Variants in PCDHGB1 observed in about 807,000 individuals in gnomAD.
The protein encoded by PCDHGB1 is protocadherin gamma subfamily B, 1.
PCDHGB1 carries 34 observed loss-of-function variants against 56.6 expected under a neutral mutation model. The observed-to-expected ratio is 0.60, with a 90% CI of 0.46 to 0.80. PCDHGB1 has a LOEUF of 0.80. Among genes scored for constraint, PCDHGB1 ranks in the 30% least tolerant of loss-of-function variants. PCDHGB1 has a pLI of 0.00. For synonymous variants in PCDHGB1, 561 were observed against 505.9 expected (o/e 1.11, Z -1.46); for missense variants, 1,278 against 1,204.6 (o/e 1.06, Z -0.90).
At chr5:141,427,450 CT>C in intron 1 of PCDHGB1, 1 of 486,442 alleles carries the variant, frequency 2.1e-6, no homozygotes, top group South Asian at 1.5e-5. Flanking sequence ...GAAAGAGTTC[CT>C]TTTAGAATCG....
intron 1 of PCDHGB1, chr5:141,412,460 G>C (rs2095557510): frequency 1.3e-5 from 2 of 152,244 alleles, no homozygotes; most frequent in South Asian, 4.1e-4. Flanking sequence ...AACTATTCTA[G>C]AAGAGTACTT....
chr5:141,418,282 A>C, intron 1 of PCDHGB1: 1 of 1,614,030 alleles, frequency 6.2e-7, no homozygotes, highest in Non-Finnish European at 8.5e-7. Flanking sequence ...TAAACTTAGA[A>C]ATCAGTGAAT....
chr5:141,362,901 G>C (rs1323871801), intron 1 of PCDHGB1, among the ~76,000 whole-genome samples: 2 of 152,148 alleles, frequency 1.3e-5, no homozygotes, highest in Non-Finnish European at 2.9e-5. Flanking sequence ...CTTCCTCTTA[G>C]AATCATAATA....
At position 141,485,342 on chromosome 5, in the gene PCDHGB1, G is replaced by A; in HGVS notation, c.2410-9465G>A. On this transcript the variant is annotated intron_variant, in intron 1 of 3. Coordinates refer to ENST00000523390, the MANE Select transcript of PCDHGB1 (RefSeq NM_018922.3). The surrounding 1 kb of genome is among the most constrained non-coding windows in gnomAD (Gnocchi z 5.7). ...CGCTCAAGATTTCCTGCTGGATACG[G>A]ACAGTCTGTCAGCTCGCAGGCTGCA... 1 of 1,614,164 alleles carries A rather than the reference G, an allele frequency of 6.2e-7. No homozygotes were observed. The highest frequency in any genetic ancestry group is 8.5e-7 in the Non-Finnish European group (1 of 1,180,026).
intron 1 of PCDHGB1, chr5:141,410,657 G>A: frequency 1.9e-6 from 3 of 1,579,248 alleles, no homozygotes; most frequent in Non-Finnish European, 2.6e-6. Flanking sequence ...TTATCTAATA[G>A]TCTACTAGTT....
chr5:141,491,980 C>T lies in PCDHGB1; in HGVS notation c.2410-2827C>T. ...AAAAAAGGCCGGGGCCTCCTTCGAG[C>T]TTCCGGTGAATTTCGGGCGATTTCC... On this transcript the variant is annotated intron_variant, in intron 1 of 3. Transcript: ENST00000523390. The surrounding 1 kb of genome is among the most constrained non-coding windows in gnomAD (Gnocchi z 6.9). The T allele has an allele frequency of 2.5e-6, 2 of 784,432 alleles. No individual in the cohort carries two copies. The highest frequency in any genetic ancestry group is 3.8e-6 in the Non-Finnish European group (2 of 530,588). 48.6% of individuals were successfully genotyped at this position (784,432 alleles called of 1,614,324 possible). A position where few individuals can be genotyped will look rare whatever the true frequency, so the allele number is the denominator to read the frequency against.
chr5:141,466,285 C>A (rs1271958613), intron 1 of PCDHGB1, among the ~76,000 whole-genome samples: 1 of 152,148 alleles, frequency 6.6e-6, no homozygotes, highest in African/African-American at 2.4e-5. Context: ...ATCTTCCCAC[C>A]TCAGGCTCCC....
chr5:141,489,086 G>A lies in PCDHGB1; in HGVS notation c.2410-5721G>A, dbSNP rs2233599. ...CCCCCCTGCCCACCCCCGCCACTCG[G>A]TGACTAAGAACTGCTGCAAGCAGGC... On this transcript the variant is annotated intron_variant, in intron 1 of 3. Coordinates refer to ENST00000523390, the MANE Select transcript of PCDHGB1 (RefSeq NM_018922.3). The surrounding 1 kb of genome is among the most constrained non-coding windows in gnomAD (Gnocchi z 4.5). 2.2e-3 allele frequency: 754 copies of A among 340,206 alleles called. 5 individuals carry two copies. Among genetic ancestry groups the A allele is most frequent in the African/African-American group, 0.018 (712 of 39,726 alleles). 21.1% of individuals were successfully genotyped at this position (340,206 alleles called of 1,614,324 possible).
rs1412265811 is a variant in PCDHGB1, at chr5:141,461,565, A to G, written c.2410-33242A>G. Among the ~76,000 whole-genome samples the G allele has an allele frequency of 2.6e-5, 4 of 152,178 alleles. No individual in the cohort carries two copies. The East Asian group carries it at 7.7e-4, about 29-fold the overall frequency. On this transcript the variant is annotated intron_variant, in intron 1 of 3. Coordinates refer to ENST00000523390, the MANE Select transcript of PCDHGB1 (RefSeq NM_018922.3). ...CCTTTGTCAGATGTGTACTTTGCAA[A>G]GATAATATTTTGGATGTTATATTTC...
At chr5:141,403,240 T>A (rs948095468) in intron 1 of PCDHGB1, 2 of 1,613,926 alleles carry the variant, frequency 1.2e-6, no homozygotes, top group Admixed American at 3.3e-5. Flanking sequence ...AGGAGCTCTG[T>A]GCTCAGAGCC....
Position 141,477,311 on chromosome 5 carries a change from C to G in PCDHGB1, c.2410-17496C>G. 6.2e-7 allele frequency: 1 copy of G among 1,614,186 alleles called. No individual in the cohort carries two copies. The highest frequency in any genetic ancestry group is 8.5e-7 in the Non-Finnish European group (1 of 1,180,032). ...AGTTCCACCGGGTCTCCCTTTCAGC[C>G]TTACTTCTTCCCTCAAGAATTACTT... On this transcript the variant is annotated intron_variant, in intron 1 of 3. Coordinates refer to ENST00000523390, the MANE Select transcript of PCDHGB1 (RefSeq NM_018922.3). The surrounding 1 kb of genome is among the most constrained non-coding windows in gnomAD (Gnocchi z 4.9).
Position 141,350,459 on chromosome 5 carries a change from A to G in PCDHGB1, c.199A>G (p.Ser67Gly). The change falls in exon 1 of 4, where the codon AGT becomes GGT. Residue 67 changes from serine (S) to glycine (G), a missense_variant. Physicochemically the swap from Ser to Gly is moderately conservative, Grantham distance 56 (BLOSUM62 0). Transcript: ENST00000523390. ...RELPTRKLRVSAEDYFNVSLE... is the reference protein window; with the variant it reads ...RELPTRKLRVGAEDYFNVSLE... ...GTTGCCAACTCGAAAACTGCGGGTTAGTGCAGAGGATTATTTCAACGTTAG... is the reference window on the plus strand; with the variant it reads ...GTTGCCAACTCGAAAACTGCGGGTTGGTGCAGAGGATTATTTCAACGTTAG... 6.2e-7 allele frequency: 1 copy of G among 1,613,440 alleles called. No homozygotes were observed. The highest frequency in any genetic ancestry group is 1.1e-5 in the South Asian group (1 of 91,080).
At chr5:141,409,618 G>T (rs374484255) in intron 1 of PCDHGB1, 77 of 1,613,776 alleles carry the variant, frequency 4.8e-5, no homozygotes, top group Non-Finnish European at 6.3e-5. Context: ...CCTCCATTGC[G>T]CAAGTGAGCG....
chr5:141,369,505 GA>G (rs1379316544), intron 1 of PCDHGB1, among the ~76,000 whole-genome samples: 2 of 150,654 alleles, frequency 1.3e-5, no homozygotes, highest in Non-Finnish European at 1.5e-5. Flanking sequence ...CACCTCTATA[GA>G]AAAAAAAAGT....
intron 1 of PCDHGB1, chr5:141,382,766 G>C (rs1015953757): frequency 5.7e-6 from 4 of 705,490 alleles, no homozygotes; most frequent in Admixed American, 2.7e-5. Flanking sequence ...CCTCTTCCAG[G>C]CTGCACTAAA....
At chr5:141,419,433 T>A (rs1333004780) in intron 1 of PCDHGB1, 6 of 1,613,246 alleles carry the variant, frequency 3.7e-6, no homozygotes, top group Non-Finnish European at 5.1e-6. Flanking sequence ...CACGAGCAGC[T>A]GCGCACCTTC....
rs376057952 is a variant in PCDHGB1 at position 141,417,907 on chromosome 5, A to G, written c.2409+65238A>G. On this transcript the variant is annotated intron_variant, in intron 1 of 3. Transcript: ENST00000523390. Reference sequence around the variant, plus strand: ...GGCGCCGGGCCGGCCCGCGGCAGGTACTATTTCCTTTGCTGCTGCCTTTGT... The same window carrying G: ...GGCGCCGGGCCGGCCCGCGGCAGGTGCTATTTCCTTTGCTGCTGCCTTTGT... The G allele has an allele frequency of 3.6e-4, 571 of 1,596,132 alleles. 2 individuals are homozygous for G. In the African/African-American group the frequency reaches 5.1e-3, roughly 14 times the overall value.
rs189734474 is a variant in PCDHGB1, at chr5:141,512,858, G to T, written c.*1685G>T. 1 of 152,296 alleles carries T rather than the reference G, an allele frequency of 6.6e-6. No individual in the cohort carries two copies. The highest frequency in any genetic ancestry group is 1.9e-4 in the East Asian group (1 of 5,182). 9.4% of individuals were successfully genotyped at this position (152,296 alleles called of 1,614,324 possible). ...ACTTCTCCTATAAGCGCTTCTCTTC[G>T]CATAGTCACGTAGCTCCCACCCCAC... On this transcript the variant is annotated 3_prime_UTR_variant, in exon 4 of 4. Coordinates refer to ENST00000523390, the MANE Select transcript of PCDHGB1 (RefSeq NM_018922.3).
intron 1 of PCDHGB1, among the ~76,000 whole-genome samples, chr5:141,401,414 A>G (rs539285035): frequency 1.3e-5 from 2 of 152,350 alleles, no homozygotes; most frequent in African/African-American, 4.8e-5. Flanking sequence ...AGAGAAAGAG[A>G]GAGACTGATT....
Sources: gnomAD v4.1 joint callset for allele counts (sites outside exome capture counted in the v4.1 genomes callset) on GRCh38, gnomAD v4.1.1 for gene constraint, Gnocchi (gnomAD v3.1) non-coding constraint, MANE v1.5 for transcripts, NCBI Gene and HGNC (gene_info 2026-07-23, HGNC 2026-07-21) for gene names.